WDR35: variants seen among roughly 807,000 people sequenced by gnomAD.
The protein encoded by WDR35 is WD repeat domain 35.
Under a neutral mutation model 158.3 loss-of-function variants are expected in WDR35, and 118 were observed. The observed-to-expected ratio is 0.75, with a 90% CI of 0.64 to 0.87. WDR35 has a LOEUF of 0.87. Ranked by LOEUF, WDR35 falls within the 40% of genes least tolerant of loss-of-function variation. The pLI is 0.00. For synonymous variants in WDR35, 448 were observed against 476.1 expected (o/e 0.94, Z 0.77); for missense variants, 1,263 against 1,405.8 (o/e 0.90, Z 1.62).
At chr2:19,940,262 G>A (rs1342790246) in intron 17 of WDR35, among the ~76,000 whole-genome samples, 1 of 151,646 alleles carries the variant, frequency 6.6e-6, no homozygotes, top group African/African-American at 2.4e-5. Context: ...AGCTACTCAG[G>A]AGGCTGAGAT....
chr2:19,927,878 A>T (rs951410995), intron 25 of WDR35, among the ~76,000 whole-genome samples: 2 of 152,204 alleles, frequency 1.3e-5, no homozygotes, highest in African/African-American at 4.8e-5. Flanking sequence ...TTGTGCTTTT[A>T]ATCTGTGTTG....
intron 2 of WDR35, among the ~76,000 whole-genome samples, chr2:19,988,387 T>C (rs1333401413): frequency 6.6e-6 from 1 of 152,188 alleles, no homozygotes; most frequent in Non-Finnish European, 1.5e-5. Context: ...CCCGGGTCTA[T>C]TGTGTGGGGG....
Position 19,937,725 on chromosome 2 carries a change from T to C in WDR35, c.2267+18A>G. On this transcript the variant is annotated intron_variant, in intron 19 of 26. Transcript: ENST00000281405. The stretch of plus-strand genomic sequence containing the variant: ...AACTGATAGAGTACTCAGGGATGCC[T>C]GCGCCTTCATAACTTACCTTCTGTC... 1 of 1,614,076 alleles carries C rather than the reference T, an allele frequency of 6.2e-7. No homozygotes were observed. Among genetic ancestry groups the C allele is most frequent in the South Asian group, 1.1e-5 (1 of 91,086 alleles).
At position 19,946,588 on chromosome 2, in the gene WDR35, G is replaced by A. The variant is rs1671062584; in HGVS notation, c.1525-18C>T. 6.3e-7 allele frequency: 1 copy of A among 1,593,898 alleles called. No homozygotes were observed. The highest frequency in any genetic ancestry group is 2.2e-5 in the East Asian group (1 of 44,656). On this transcript the variant is annotated intron_variant, in intron 14 of 26. Transcript: ENST00000281405. ...TCACGACCCTATGGAAATTACTTTT[G>A]ATTACTTAAGCATACGTGTATCATA...
At chr2:19,922,844 T>C (rs1484857958) in intron 25 of WDR35, among the ~76,000 whole-genome samples, 1 of 152,032 alleles carries the variant, frequency 6.6e-6, no homozygotes, top group Non-Finnish European at 1.5e-5. Context: ...ATGATGGCCA[T>C]AACACCCACG....
chr2:19,951,153 G>A (rs1028010506), intron 13 of WDR35, among the ~76,000 whole-genome samples: 1 of 152,128 alleles, frequency 6.6e-6, no homozygotes, highest in Non-Finnish European at 1.5e-5. Flanking sequence ...AGGAGGAGAG[G>A]AGGAGTTATG....
rs536306056 is a variant in WDR35 at position 19,953,723 on chromosome 2, T to A, written c.1400+111A>T. 3.3e-5 allele frequency: 45 copies of A among 1,381,460 alleles called. No individual in the cohort carries two copies. The African/African-American group carries it at 4.9e-4, about 15-fold the overall frequency. 85.6% of individuals were successfully genotyped at this position (1,381,460 alleles called of 1,614,324 possible). The stretch of plus-strand genomic sequence containing the variant: ...GATAATCAAATTAATTGAAAAAACA[T>A]TTCTACTAATCAAGACACTACAGTT... On this transcript the variant is annotated intron_variant, in intron 12 of 26. Transcript: ENST00000281405.
chr2:19,920,072 A>G (rs1430350732), intron 25 of WDR35, among the ~76,000 whole-genome samples: 2 of 152,228 alleles, frequency 1.3e-5, no homozygotes, highest in African/African-American at 4.8e-5. Flanking sequence ...CAAGTTCTGA[A>G]ATTGAGCAGC....
chr2:19,943,621 C>G (rs902892512), intron 16 of WDR35, among the ~76,000 whole-genome samples: 3 of 151,500 alleles, frequency 2.0e-5, no homozygotes, highest in African/African-American at 2.4e-5. Flanking sequence ...GAAAAAGAAG[C>G]AAATGTACAA....
chr2:19,948,459 T>C (rs1407106039), intron 13 of WDR35, among the ~76,000 whole-genome samples: 1 of 152,076 alleles, frequency 6.6e-6, no homozygotes, highest in Admixed American at 6.5e-5. Context: ...AAACACCTCA[T>C]TGCAGGACAG....
intron 13 of WDR35, among the ~76,000 whole-genome samples, chr2:19,948,817 G>A (rs1463245597): frequency 6.6e-6 from 1 of 152,046 alleles, no homozygotes; most frequent in Non-Finnish European, 1.5e-5. Flanking sequence ...GGGAGGCTGA[G>A]GCAGGAGAAT....
At chr2:19,928,499 G>A (rs1670426486) in intron 25 of WDR35, among the ~76,000 whole-genome samples, 1 of 152,158 alleles carries the variant, frequency 6.6e-6, no homozygotes. Context: ...CCCTGACTGA[G>A]CTGGTCTCGG....
At chr2:19,965,953 C>G (rs1183906928) in intron 10 of WDR35, among the ~76,000 whole-genome samples, 1 of 152,194 alleles carries the variant, frequency 6.6e-6, no homozygotes, top group African/African-American at 2.4e-5. Flanking sequence ...TTTCTTAGGT[C>G]TGCTAAGGTA....
chr2:19,930,676 C>T, intron 24 of WDR35, 124 bp from the exon 25 acceptor site: 1 of 1,425,746 alleles, frequency 7.0e-7, no homozygotes, highest in Non-Finnish European at 9.6e-7. Context: ...ACTATGATTA[C>T]AGACTTTTTT....
chr2:19,940,289 C>T (rs1172069871), intron 17 of WDR35, among the ~76,000 whole-genome samples: 1 of 151,692 alleles, frequency 6.6e-6, no homozygotes, highest in African/African-American at 2.4e-5. Context: ...ATCACTTGAG[C>T]CTGGGGGGCA....
chr2:19,984,076 T>C (rs2103466978), intron 2 of WDR35, among the ~76,000 whole-genome samples: 1 of 150,784 alleles, frequency 6.6e-6, no homozygotes, highest in East Asian at 1.9e-4. Context: ...CTGATGTCAC[T>C]ATAACCTAAG....
intron 2 of WDR35, among the ~76,000 whole-genome samples, chr2:19,986,162 T>G (rs1672559682): frequency 6.6e-6 from 1 of 152,034 alleles, no homozygotes; most frequent in South Asian, 2.1e-4. Flanking sequence ...CTTGAGCAAA[T>G]GAGTGAAATG....
rs144732329 is a variant in WDR35, at chr2:19,931,026, A to C, written c.2964+243T>G. 0.018 allele frequency among the ~76,000 whole-genome samples: 2,740 copies of C among 152,324 alleles called. 39 individuals carry two copies. Among genetic ancestry groups the C allele is most frequent in the Non-Finnish European group, 0.027 (1,822 of 68,018 alleles). On this transcript the variant is annotated intron_variant, in intron 24 of 26. Coordinates refer to ENST00000281405, the MANE Select transcript of WDR35 (RefSeq NM_020779.4). ...AGGTAAGTAAAATTTTTTAACAAAT[A>C]AGACATTAAAGCAAAGACTACAGAT...
intron 25 of WDR35, among the ~76,000 whole-genome samples, chr2:19,921,227 C>A (rs1670155882): frequency 6.6e-6 from 1 of 152,098 alleles, no homozygotes; most frequent in Admixed American, 6.5e-5. Flanking sequence ...TTAGAAAGAA[C>A]TTTAAATTTC....
Sources: allele counts gnomAD v4.1 joint callset (sites outside exome capture counted in the v4.1 genomes callset), GRCh38; gene constraint gnomAD v4.1.1; transcripts MANE v1.5; gene names NCBI Gene and HGNC (gene_info 2026-07-23, HGNC 2026-07-21).